The following SBF1 variants were observed in gnomAD, a reference collection of about 807,000 sequenced individuals.
SBF1 encodes SET binding factor 1.
Under a neutral mutation model 215.8 loss-of-function variants are expected in SBF1, and 65 were observed. The ratio of observed to expected loss-of-function variants is 0.30; its 90% CI spans 0.25 to 0.37. SBF1 has a LOEUF of 0.37. Ranked by LOEUF, SBF1 falls within the 10% of genes least tolerant of loss-of-function variation. The pLI is 1.00. For synonymous variants in SBF1, 1,410 were observed against 1,122.8 expected, an observed-to-expected ratio of 1.26 and a Z score of -5.11; for missense variants, 2,634 against 2,667.8, an observed-to-expected ratio of 0.99 and a Z score of 0.28.
intron 12 of SBF1, 41 bp from the exon 13 acceptor site, chr22:50,464,958 C>A (rs369487204): frequency 1.5e-4 from 241 of 1,613,410 alleles, no homozygotes; most frequent in Admixed American, 3.0e-4. Context: ...CATGGTCAGG[C>A]GGAGCCAGGG....
intron 1 of SBF1, among the ~76,000 whole-genome samples, chr22:50,470,007 C>T (rs1378511856): frequency 1.3e-5 from 2 of 152,120 alleles, no homozygotes; most frequent in African/African-American, 4.8e-5. Context: ...CCCCTCCCAC[C>T]GACACCCTGC....
rs373939235 is a variant in SBF1, at chr22:50,467,437, G to C, written c.450C>G (p.Gly150=). 1.9e-6 allele frequency: 3 copies of C among 1,614,188 alleles called. No homozygotes were observed. Among genetic ancestry groups the C allele is most frequent in the African/African-American group, 2.7e-5 (2 of 75,060 alleles). Residue 150 remains glycine, a synonymous_variant, in exon 5 of 41, where the codon GGC becomes GGG. Coordinates refer to ENST00000380817, the MANE Select transcript of SBF1 (RefSeq NM_002972.4). ...CCTCCACGTGGATGGCATAGATGAG[G>C]CCAAGGCTGTTCTGCAATGACCAGA... ...DHTEVFRNSL[G]LIYAIHVEGL...
At position 50,459,214 on chromosome 22, in the gene SBF1, A is replaced by G. The variant is rs753979825; in HGVS notation, c.3826+41T>C. 6 of 1,568,216 alleles carry G rather than the reference A, an allele frequency of 3.8e-6. No homozygotes were observed. The East Asian group carries it at 1.4e-4, about 36-fold the overall frequency. On this transcript the variant is annotated intron_variant, in intron 28 of 40. Transcript: ENST00000380817. The stretch of plus-strand genomic sequence containing the variant: ...ACCATAAATGCCACCACGGCCCCCC[A>G]AAGTGCCCCTGCCCCACCGTCTGCC...
chr22:50,454,735 C>T lies in SBF1; in HGVS notation c.4820G>A (p.Arg1607Gln), dbSNP rs753568986. 1.9e-5 allele frequency: 30 copies of T among 1,576,070 alleles called. No homozygotes were observed. Among genetic ancestry groups the T allele is most frequent in the African/African-American group, 1.4e-5 (1 of 73,114 alleles). ...MYAPEDAEVL[R>Q]PYSNVSNLKV... ...CAGGTTGGACACGTTGCTGTAGGGC[C>T]GCAGGACCTGAGGGTGGGCCTGTGG... Residue 1607 changes from arginine (R) to glutamine (Q), a missense_variant, in exon 36 of 41, where the codon CGG becomes CAG. Coordinates refer to ENST00000380817, the MANE Select transcript of SBF1 (RefSeq NM_002972.4).
Position 50,460,293 on chromosome 22 carries a change from C to A in SBF1, c.3262G>T (p.Asp1088Tyr). Residue 1088 changes from aspartate to tyrosine, a missense_variant, in exon 25 of 41, where the codon GAC becomes TAC. Transcript: ENST00000380817. ...CCACCTGAGATCTCGTCCTCCTGGT[C>A]CTCAGGGGGCGGCTGGCCCCGGTGC... ...WEHRGQPPPE[D>Y]QEDEISVSEE... is the part of the protein sequence containing the mutation. 6.2e-7 allele frequency: 1 copy of A among 1,609,454 alleles called. No individual in the cohort carries two copies. Among genetic ancestry groups the A allele is most frequent in the Non-Finnish European group, 8.5e-7 (1 of 1,177,012 alleles).
chr22:50,467,254 G>T (rs1315033436), intron 5 of SBF1, 84 bp downstream of exon 5: 4 of 1,129,902 alleles, frequency 3.5e-6, no homozygotes, highest in Non-Finnish European at 5.2e-6. Context: ...GCTGTGTGTG[G>T]CTCTGGCTGG....
At position 50,455,044 on chromosome 22, in the gene SBF1, G is replaced by A. The variant is rs200816076; in HGVS notation, c.4653C>T (p.Leu1551=). ...HVSRRFRTFL[L]DSDYERIELG... ...GCTCAATGCGCTCATAGTCAGAGTC[G>A]AGCAGGAAGGTCCGGAAACGGCGGG... The change falls in exon 34 of 41, where the codon CTC becomes CTT. Residue 1551 remains leucine, a synonymous_variant. Coordinates refer to ENST00000380817, the MANE Select transcript of SBF1 (RefSeq NM_002972.4). 96 of 1,614,024 alleles carry A rather than the reference G, an allele frequency of 5.9e-5. No homozygotes were observed. The highest frequency in any genetic ancestry group is 7.1e-5 in the Non-Finnish European group (84 of 1,180,050).
intron 1 of SBF1, among the ~76,000 whole-genome samples, chr22:50,470,737 G>A (rs952403764): frequency 1.3e-5 from 2 of 152,188 alleles, no homozygotes; most frequent in Admixed American, 6.5e-5. Flanking sequence ...ACGTACAGTC[G>A]GCTACACAAC....
chr22:50,460,371 T>C lies in SBF1; in HGVS notation c.3184A>G (p.Thr1062Ala). Residue 1062 changes from threonine to alanine, a missense_variant, in exon 25 of 41, where the codon ACC becomes GCC. Coordinates refer to ENST00000380817, the MANE Select transcript of SBF1 (RefSeq NM_002972.4). ...SRNLVKNAKK[T>A]IGRQHVTRKK... ...CGAGTGACATGCTGCCGCCCGATGG[T>C]CTTCTTGGCGTTCTTGACCAGGTTC... The C allele has an allele frequency of 6.2e-7, 1 of 1,613,182 alleles. No individual in the cohort carries two copies. The highest frequency in any genetic ancestry group is 8.5e-7 in the Non-Finnish European group (1 of 1,179,496).
intron 36 of SBF1, among the ~76,000 whole-genome samples, chr22:50,451,205 G>A (rs1048634057): frequency 6.7e-5 from 10 of 148,900 alleles, no homozygotes; most frequent in African/African-American, 2.2e-4. Context: ...TAGCCGGCAC[G>A]TGGCCCACGC....
rs187441948 is a variant in SBF1, at chr22:50,467,328, C to A, written c.549+10G>T. 1 of 1,612,334 alleles carries A rather than the reference C, an allele frequency of 6.2e-7. No individual in the cohort carries two copies. The highest frequency in any genetic ancestry group is 8.5e-7 in the Non-Finnish European group (1 of 1,178,694). Reference sequence around the variant, plus strand: ...TGGCTGTGCAGATACCAGCTGCCTCCAAAACTCACCTGCGAGCCCCCAGCC... The same window carrying A: ...TGGCTGTGCAGATACCAGCTGCCTCAAAAACTCACCTGCGAGCCCCCAGCC... On this transcript the variant is annotated intron_variant, in intron 5 of 40. Coordinates refer to ENST00000380817, the MANE Select transcript of SBF1 (RefSeq NM_002972.4).
intron 1 of SBF1, among the ~76,000 whole-genome samples, chr22:50,471,756 G>A (rs1464371264): frequency 2.0e-5 from 3 of 152,100 alleles, no homozygotes; most frequent in African/African-American, 4.8e-5. Flanking sequence ...CTCCCAGGGT[G>A]GAGGCTGGGA....
intron 3 of SBF1, 34 bp from the exon 4 acceptor site, chr22:50,467,724 G>T (rs766542858): frequency 7.3e-7 from 1 of 1,361,478 alleles, no homozygotes; most frequent in Non-Finnish European, 1.0e-6. Flanking sequence ...GGGGCAGGGG[G>T]AGTTGGCCAC....
rs2066912214 is a variant in SBF1, at chr22:50,448,241, A to T, written c.5355T>A (p.Ser1785Arg). ...GGGAGGTGCCCTCATACCTGTTCTC[A>T]CTCTCTGCTGTCTGGAACTGGCTGT... ...TLYSQFQTAESENRSYEGTLY... is the reference protein window; with the variant it reads ...TLYSQFQTAERENRSYEGTLY... Residue 1785 changes from serine (S) to arginine (R), a missense_variant, in exon 38 of 41, where the codon AGT becomes AGA. Coordinates refer to ENST00000380817, the MANE Select transcript of SBF1 (RefSeq NM_002972.4). 1 of 1,611,314 alleles carries T rather than the reference A, an allele frequency of 6.2e-7. No homozygotes were observed. The highest frequency in any genetic ancestry group is 1.1e-5 in the South Asian group (1 of 90,966).
In SBF1 at chr22:50,456,277, G is replaced by T. The variant is rs1449973819; in HGVS notation, c.4205C>A (p.Ala1402Asp). Residue 1402 changes from alanine (A) to aspartate (D), a missense_variant, in exon 31 of 41, where the codon GCT becomes GAT. Ala to Asp is a moderately radical substitution (Grantham distance 126, BLOSUM62 -2). Coordinates refer to ENST00000380817, the MANE Select transcript of SBF1 (RefSeq NM_002972.4). ...GAAGGAGGCTGGGCTGGGCTCAGCA[G>T]CGGGGCAGCCTGGGACACATGCTTT... ...LLKACVPGCP[A>D]AEPSPASFLR... 4 of 1,612,696 alleles carry T rather than the reference G, an allele frequency of 2.5e-6. No individual in the cohort carries two copies. In the African/African-American group the frequency reaches 5.3e-5, roughly 22 times the overall value.
Position 50,447,310 on chromosome 22 carries a change from G to A in SBF1, c.5583+12C>T. 6.2e-7 allele frequency: 1 copy of A among 1,613,680 alleles called. No individual in the cohort carries two copies. The highest frequency in any genetic ancestry group is 8.5e-7 in the Non-Finnish European group (1 of 1,179,672). Reference sequence around the variant, plus strand: ...AGCCCCTCCCCTCTCCCAAGCCCCGGCCAAGGCTCACGTCAAAGAAGGCCT... The same window carrying A: ...AGCCCCTCCCCTCTCCCAAGCCCCGACCAAGGCTCACGTCAAAGAAGGCCT... On this transcript the variant is annotated intron_variant, in intron 40 of 40. Coordinates refer to ENST00000380817, the MANE Select transcript of SBF1 (RefSeq NM_002972.4).
At position 50,467,792 on chromosome 22, in the gene SBF1, A is replaced by G; in HGVS notation, c.273T>C (p.Pro91=). 1 of 1,613,890 alleles carries G rather than the reference A, an allele frequency of 6.2e-7. No homozygotes were observed. Among genetic ancestry groups the G allele is most frequent in the Non-Finnish European group, 8.5e-7 (1 of 1,179,960 alleles). Residue 91 remains proline, a synonymous_variant, in exon 3 of 41, where the codon CCT becomes CCC. Coordinates refer to ENST00000380817, the MANE Select transcript of SBF1 (RefSeq NM_002972.4). ...CCAGAGGCCCCAAGCTGACCTGTGA[A>G]GGCTCCGCTGGCTCCCAGAAGGTCA... ...ACLTFWEPAE[P]SQETTRVEDA...
chr22:50,466,642 G>A lies in SBF1; in HGVS notation c.618C>T (p.Val206=), dbSNP rs2067771274. The change falls in exon 6 of 41, where the codon GTC becomes GTT. Residue 206 remains valine (V), a synonymous_variant. Coordinates refer to ENST00000380817, the MANE Select transcript of SBF1 (RefSeq NM_002972.4). ...IQTPLADSLP[V]SRCSVALLFR... ...AGAGCAGGGCCACGCTGCAGCGGCT[G>A]ACGGGCAGCGAGTCGGCCAGTGGAG... 2 of 1,552,176 alleles carry A rather than the reference G, an allele frequency of 1.3e-6. No homozygotes were observed. The highest frequency in any genetic ancestry group is 1.4e-5 in the African/African-American group (1 of 73,166).
rs117845086 is a variant in SBF1, at chr22:50,448,706, C to T, written c.5044-56G>A. 7.2e-3 allele frequency: 10,085 copies of T among 1,394,262 alleles called. 49 individuals carry two copies. Among genetic ancestry groups the T allele is most frequent in the Non-Finnish European group, 8.6e-3 (8,562 of 995,476 alleles). 86.4% of individuals were successfully genotyped at this position (1,394,262 alleles called of 1,614,324 possible). On this transcript the variant is annotated intron_variant, in intron 36 of 40. Coordinates refer to ENST00000380817, the MANE Select transcript of SBF1 (RefSeq NM_002972.4). Reference sequence around the variant, plus strand: ...AAAAGGAAATATCCAGACTAGAGCACGAAAAGACAAAAGGAAAACACAGGA... The same window carrying T: ...AAAAGGAAATATCCAGACTAGAGCATGAAAAGACAAAAGGAAAACACAGGA...
Sources: allele counts gnomAD v4.1 joint callset (sites outside exome capture counted in the v4.1 genomes callset), GRCh38; gene constraint gnomAD v4.1.1; transcripts MANE v1.5; gene names NCBI Gene and HGNC (gene_info 2026-07-23, HGNC 2026-07-21).